SIM1: variants seen among roughly 807,000 people sequenced by gnomAD.
SIM1 encodes the protein single-minded homolog 1.
A neutral mutation model predicts 78.2 loss-of-function variants in SIM1; 18 were observed. That is an observed-to-expected ratio of 0.23 (90% CI 0.16 to 0.34). The LOEUF is 0.34. SIM1 is among the 10% of genes least tolerant of loss of function. The pLI, the probability that SIM1 is intolerant of heterozygous loss-of-function variation, is 1.00. For synonymous variants in SIM1, 417 were observed against 385.2 expected (o/e 1.08, Z -0.97); for missense variants, 939 against 975.1 (o/e 0.96, Z 0.49).
rs1234991359 is a variant in SIM1, at chr6:100,464,912, T to C, written c.-766A>G. On this transcript the variant is annotated 5_prime_UTR_variant, in exon 1 of 12. Transcript: ENST00000369208. ...GCCGAAAACTGCCCCCCGTAACTTCTTTATAGCTTAAGGGTTTAGCTTCAA... is the reference window on the plus strand; with the variant it reads ...GCCGAAAACTGCCCCCCGTAACTTCCTTATAGCTTAAGGGTTTAGCTTCAA... 6.6e-6 allele frequency: 1 copy of C among 152,276 alleles called. No individual in the cohort carries two copies. The highest frequency in any genetic ancestry group is 1.5e-5 in the Non-Finnish European group (1 of 68,084). 9.4% of individuals were successfully genotyped at this position (152,276 alleles called of 1,614,324 possible). A position where few individuals can be genotyped will look rare whatever the true frequency, so the allele number is the denominator to read the frequency against.
In SIM1 at chr6:100,438,703, ACCAATCTAAGTGC is replaced by A. The variant is rs1772124831; in HGVS notation, c.998+8552_998+8564del. Among the ~76,000 whole-genome samples the A allele has an allele frequency of 2.0e-5, 3 of 152,362 alleles. No individual in the cohort carries two copies. The South Asian group carries it at 6.2e-4, about 32-fold the overall frequency. ...CCAATTTGCAATTGCAAAGATATGG[ACCAATCTAAGTGC>A]CCATCAACCAATGAGTGGATAAAGA... On this transcript the variant is annotated intron_variant, in intron 9 of 11. Transcript: ENST00000369208.
At chr6:100,438,211 A>G (rs922887592) in intron 9 of SIM1, among the ~76,000 whole-genome samples, 4 of 152,248 alleles carry the variant, frequency 2.6e-5, no homozygotes, top group Non-Finnish European at 5.9e-5. Flanking sequence ...CAAACTGTGC[A>G]TCTGACAAAG....
chr6:100,449,274 C>T, intron 6 of SIM1, 89 bp downstream of exon 6: 1 of 1,115,240 alleles, frequency 9.0e-7, no homozygotes, highest in Non-Finnish European at 1.3e-6. Flanking sequence ...GCGGGTAGTC[C>T]CAGAGGTAGG....
rs147313284 is a variant in SIM1 at position 100,459,688 on chromosome 6, A to G, written c.175+3606T>C. Among the ~76,000 whole-genome samples, 547 of 152,236 alleles carry G rather than the reference A, an allele frequency of 3.6e-3. 12 individuals carry two copies. Among genetic ancestry groups the G allele is most frequent in the Admixed American group, 0.028 (425 of 15,296 alleles). On this transcript the variant is annotated intron_variant, in intron 2 of 11. Coordinates refer to ENST00000369208, the MANE Select transcript of SIM1 (RefSeq NM_005068.3). ...CTTTCCTGAGTAGTTACTAATTTCA[A>G]CTCTGTGATTATTTTTATTTTTCCA...
chr6:100,457,990 C>T (rs1772716758), intron 2 of SIM1, among the ~76,000 whole-genome samples: 2 of 146,282 alleles, frequency 1.4e-5, no homozygotes, highest in East Asian at 2.0e-4. Flanking sequence ...GGTCACACCG[C>T]TGTCTGTCTC....
intron 9 of SIM1, among the ~76,000 whole-genome samples, chr6:100,422,766 A>G (rs753303903): frequency 5.3e-5 from 8 of 152,192 alleles, no homozygotes; most frequent in Admixed American, 1.3e-4. Context: ...ATTTTCCACA[A>G]TGTATACATA....
chr6:100,458,426 C>T (rs1180980485), intron 2 of SIM1, among the ~76,000 whole-genome samples: 1 of 152,190 alleles, frequency 6.6e-6, no homozygotes, highest in Non-Finnish European at 1.5e-5. Flanking sequence ...TGGCACCTAA[C>T]CCGCCTTCCC....
At chr6:100,409,769 T>C (rs6937142) in intron 10 of SIM1, among the ~76,000 whole-genome samples, 3,464 of 152,282 alleles carry the variant, frequency 0.023, 145 homozygotes, top group African/African-American at 0.078. Flanking sequence ...TATTTCTTTT[T>C]TTATTTATTC....
intron 10 of SIM1, among the ~76,000 whole-genome samples, chr6:100,414,887 T>C (rs1170453135): frequency 1.3e-5 from 2 of 152,208 alleles, no homozygotes; most frequent in South Asian, 2.1e-4. Flanking sequence ...GGAAGCCAGA[T>C]TGCTGGCAAT....
At position 100,442,410 on chromosome 6, in the gene SIM1, C is replaced by T. The variant is rs1772241088; in HGVS notation, c.998+4858G>A. On this transcript the variant is annotated intron_variant, in intron 9 of 11. Coordinates refer to ENST00000369208, the MANE Select transcript of SIM1 (RefSeq NM_005068.3). ...TATATCTTCAATTTGTTTTTATAAT[C>T]ATTAAGTTACATGAAAGATCATCTG... Among the ~76,000 whole-genome samples, 3 of 152,144 alleles carry T rather than the reference C, an allele frequency of 2.0e-5. No individual in the cohort carries two copies. The South Asian group carries it at 6.2e-4, about 32-fold the overall frequency.
intron 10 of SIM1, among the ~76,000 whole-genome samples, chr6:100,410,263 A>T (rs1222783753): frequency 2.0e-5 from 3 of 152,284 alleles, no homozygotes; most frequent in African/African-American, 7.2e-5. Flanking sequence ...ATTTCCCTAG[A>T]TACGTTTTGA....
rs187098700 is a variant in SIM1, at chr6:100,386,363, T to C, written c.*3998A>G. On this transcript the variant is annotated 3_prime_UTR_variant, in exon 12 of 12. Coordinates refer to ENST00000369208, the MANE Select transcript of SIM1 (RefSeq NM_005068.3). Reference sequence around the variant, plus strand: ...TGTCACTTCTAAATACTACTAGGACTGATAGATTGCACTGAATATCTTAGT... The same window carrying C: ...TGTCACTTCTAAATACTACTAGGACCGATAGATTGCACTGAATATCTTAGT... The C allele has an allele frequency of 1.3e-5, 2 of 152,186 alleles. No individual in the cohort carries two copies. The highest frequency in any genetic ancestry group is 3.9e-4 in the East Asian group (2 of 5,188). The allele number at this position is 152,186 out of a possible 1,614,324, so 9.4% of individuals were successfully genotyped here.
intron 2 of SIM1, among the ~76,000 whole-genome samples, chr6:100,460,273 G>C (rs141030597): frequency 6.6e-6 from 1 of 152,268 alleles, no homozygotes; most frequent in African/African-American, 2.4e-5. Flanking sequence ...CGGCAAATGA[G>C]AAGGGAAGGA....
At chr6:100,438,489 G>T (rs1408452940) in intron 9 of SIM1, among the ~76,000 whole-genome samples, 1 of 152,122 alleles carries the variant, frequency 6.6e-6, no homozygotes, top group Non-Finnish European at 1.5e-5. Context: ...GTGGTAAAAA[G>T]GGAACACTTT....
intron 10 of SIM1, among the ~76,000 whole-genome samples, chr6:100,420,554 C>T (rs916019286): frequency 2.6e-5 from 4 of 152,168 alleles, no homozygotes; most frequent in African/African-American, 9.7e-5. Context: ...ATAGTTCTGA[C>T]AACAACCAGA....
intron 2 of SIM1, among the ~76,000 whole-genome samples, chr6:100,459,543 C>A (rs940995897): frequency 6.6e-6 from 1 of 152,144 alleles, no homozygotes; most frequent in African/African-American, 2.4e-5. Context: ...CATGGGGCCT[C>A]TTTTTCTTTT....
chr6:100,444,399 G>A (rs1213847721), intron 9 of SIM1, among the ~76,000 whole-genome samples: 1 of 152,102 alleles, frequency 6.6e-6, no homozygotes, highest in Non-Finnish European at 1.5e-5. Context: ...AATGTGTAAA[G>A]CTAACAGGGT....
intron 10 of SIM1, among the ~76,000 whole-genome samples, chr6:100,414,303 G>C (rs924472672): frequency 2.6e-5 from 4 of 152,212 alleles, no homozygotes; most frequent in African/African-American, 4.8e-5. Context: ...TAACAGGTTA[G>C]CTTTGCCTCC....
chr6:100,428,556 T>G (rs1299351815), intron 9 of SIM1, among the ~76,000 whole-genome samples: 1 of 152,008 alleles, frequency 6.6e-6, no homozygotes, highest in Non-Finnish European at 1.5e-5. Flanking sequence ...CAAATGAAGA[T>G]AAGGTGAAAT....
Sources: allele counts gnomAD v4.1 joint callset (sites outside exome capture counted in the v4.1 genomes callset), GRCh38; gene constraint gnomAD v4.1.1; transcripts MANE v1.5; gene names NCBI Gene and HGNC (gene_info 2026-07-23, HGNC 2026-07-21).